RRP1B: variants seen among roughly 807,000 people sequenced by gnomAD.
RRP1B encodes the protein ribosomal RNA processing 1B.
Under a neutral mutation model 80.2 loss-of-function variants are expected in RRP1B, and 56 were observed. The observed-to-expected ratio is 0.70, with a 90% CI of 0.56 to 0.87. The LOEUF is 0.87. Among genes scored for constraint, RRP1B ranks in the 40% least tolerant of loss-of-function variants. The pLI, the probability that RRP1B is intolerant of heterozygous loss-of-function variation, is 0.00. For synonymous variants in RRP1B, 351 were observed against 357.6 expected, an observed-to-expected ratio of 0.98 and a Z score of 0.21; for missense variants, 807 against 939.8, an observed-to-expected ratio of 0.86 and a Z score of 1.85.
intron 3 of RRP1B, among the ~76,000 whole-genome samples, chr21:43,672,573 A>C (rs2083004115): frequency 6.6e-6 from 1 of 152,230 alleles, no homozygotes; most frequent in Admixed American, 6.5e-5. Flanking sequence ...AAATGCTTTT[A>C]GAAATAACAA....
intron 2 of RRP1B, 67 bp from the exon 3 acceptor site, chr21:43,672,241 C>T (rs1056974960): frequency 3.4e-5 from 48 of 1,414,812 alleles, no homozygotes; most frequent in East Asian, 9.1e-5. Context: ...GGAAGCAGGC[C>T]GCGGCACAGG....
At position 43,694,351 on chromosome 21, in the gene RRP1B, C is replaced by G. The variant is rs1244827906; in HGVS notation, c.*968C>G. The G allele has an allele frequency of 6.6e-6, 1 of 152,282 alleles. No individual in the cohort carries two copies. The highest frequency in any genetic ancestry group is 1.5e-5 in the Non-Finnish European group (1 of 68,052). The allele number at this position is 152,282 out of a possible 1,614,324, so 9.4% of individuals were successfully genotyped here. A position where few individuals can be genotyped will look rare whatever the true frequency, so the allele number is the denominator to read the frequency against. ...GGAAGCGTGCACTTACAGTTCAGAC[C>G]GTTCTCCTGTAAGTTCATTACAAAC... On this transcript the variant is annotated 3_prime_UTR_variant, in exon 16 of 16. Coordinates refer to ENST00000340648, the MANE Select transcript of RRP1B (RefSeq NM_015056.3).
chr21:43,682,705 G>A (rs1003827166), intron 8 of RRP1B, among the ~76,000 whole-genome samples: 1 of 152,224 alleles, frequency 6.6e-6, no homozygotes, highest in Non-Finnish European at 1.5e-5. Flanking sequence ...GGGACCACGT[G>A]TGGGGGAGGA....
At chr21:43,678,498 A>G (rs1391669094) in intron 8 of RRP1B, among the ~76,000 whole-genome samples, 1 of 152,136 alleles carries the variant, frequency 6.6e-6, no homozygotes, top group East Asian at 1.9e-4. Flanking sequence ...AATTATGGCC[A>G]TTCTTGCTGG....
At position 43,688,153 on chromosome 21, in the gene RRP1B, GAA is replaced by G; in HGVS notation, c.1783_1784del (p.Lys595GlufsTer51). The G allele has an allele frequency of 6.3e-7, 1 of 1,579,192 alleles. No individual in the cohort carries two copies. The highest frequency in any genetic ancestry group is 8.6e-7 in the Non-Finnish European group (1 of 1,161,838). On this transcript the variant is annotated frameshift_variant, in exon 13 of 16. Coordinates refer to ENST00000340648, the MANE Select transcript of RRP1B (RefSeq NM_015056.3). LOFTEE classifies it high-confidence loss of function. ...TGCCCAGCCAGAAAACAGCAAGTTT[GAA>G]AAAGAGGAAGAAAATGAGAGTGATG... ...GLPSQKTASL[K>X]KRKKMRVMSN... is the part of the protein sequence containing the mutation.
rs2083104376 is a variant in RRP1B at position 43,695,626 on chromosome 21, A to G, written c.*2243A>G. ...ACATAGACGCACAAGAATATGTCAC[A>G]TAAAGAAAATGTGTTTAGAATACTG... On this transcript the variant is annotated 3_prime_UTR_variant, in exon 16 of 16. Transcript: ENST00000340648. 1 of 152,248 alleles carries G rather than the reference A, an allele frequency of 6.6e-6. No individual in the cohort carries two copies. Among genetic ancestry groups the G allele is most frequent in the South Asian group, 2.1e-4 (1 of 4,832 alleles). The allele number at this position is 152,248 out of a possible 1,614,324, so 9.4% of individuals were successfully genotyped here. A position where few individuals can be genotyped will look rare whatever the true frequency, so the allele number is the denominator to read the frequency against.
At position 43,691,450 on chromosome 21, in the gene RRP1B, ACCAT is replaced by A; in HGVS notation, c.2035_2038del (p.Ser679AlafsTer9). ...TTTCTCTTCTGCAGCTAAACAAGAC[ACCAT>A]CCAGCTCCAAGAAAGTCACCTTTGG... On this transcript the variant is annotated frameshift_variant, in exon 15 of 16. Transcript: ENST00000340648. LOFTEE classifies it high-confidence loss of function. This position sits in a 1 kb window ranked among gnomAD's most constrained non-coding sequence, Gnocchi z 4.2. 6.2e-7 allele frequency: 1 copy of A among 1,613,900 alleles called. No homozygotes were observed. Among genetic ancestry groups the A allele is most frequent in the Non-Finnish European group, 8.5e-7 (1 of 1,179,914 alleles).
intron 12 of RRP1B, 59 bp from the exon 13 acceptor site, chr21:43,687,457 C>G (rs1434179918): frequency 2.8e-6 from 4 of 1,450,816 alleles, no homozygotes; most frequent in Non-Finnish European, 3.6e-6. Context: ...TGAGAATCGC[C>G]AGCAGGACTC....
chr21:43,692,283 T>G (rs1275007594), intron 15 of RRP1B, among the ~76,000 whole-genome samples: 1 of 152,110 alleles, frequency 6.6e-6, no homozygotes, highest in Non-Finnish European at 1.5e-5. Flanking sequence ...TCGAGTTGCT[T>G]TTACAAAGGA....
intron 1 of RRP1B, among the ~76,000 whole-genome samples, chr21:43,662,811 G>A (rs1461434615): frequency 2.6e-5 from 4 of 152,074 alleles, no homozygotes; most frequent in South Asian, 2.1e-4. Context: ...TATTATGTAC[G>A]CTATTCTTGG....
At chr21:43,690,943 T>C (rs1037824483) in intron 14 of RRP1B, among the ~76,000 whole-genome samples, 6 of 152,206 alleles carry the variant, frequency 3.9e-5, no homozygotes, top group Non-Finnish European at 8.8e-5. Flanking sequence ...GTGTGTCCAT[T>C]GTCCATTGCA....
At position 43,688,204 on chromosome 21, in the gene RRP1B, G is replaced by T; in HGVS notation, c.1830G>T (p.Gly610=). 6.4e-7 allele frequency: 1 copy of T among 1,572,756 alleles called. No homozygotes were observed. Among genetic ancestry groups the T allele is most frequent in the South Asian group, 1.2e-5 (1 of 86,090 alleles). The part of the protein sequence containing the change: ...RVMSNLVEHN[G]VLESEAGQPQ... Reference sequence around the variant, plus strand: ...TGTCAAACTTGGTGGAGCACAACGGGGTGCTGGAGTCCGAAGCTGGGCAAC... The same window carrying T: ...TGTCAAACTTGGTGGAGCACAACGGTGTGCTGGAGTCCGAAGCTGGGCAAC... The change falls in exon 13 of 16, where the codon GGG becomes GGT. Residue 610 remains glycine (G), a synonymous_variant. Transcript: ENST00000340648.
chr21:43,673,219 G>T (rs1000557435), intron 3 of RRP1B, among the ~76,000 whole-genome samples: 1 of 152,210 alleles, frequency 6.6e-6, no homozygotes, highest in African/African-American at 2.4e-5. Flanking sequence ...GTGGAACAAG[G>T]AGTCTTGATT....
In RRP1B at chr21:43,692,329, G is replaced by A. The variant is rs971199389; in HGVS notation, c.2083+827G>A. On this transcript the variant is annotated intron_variant, in intron 15 of 15. Coordinates refer to ENST00000340648, the MANE Select transcript of RRP1B (RefSeq NM_015056.3). ...TTAAAAAGTAGTATAGGCCAGGCGCGGTGGCTCATGCCTGTAATCCCAACA... is the reference window on the plus strand; with the variant it reads ...TTAAAAAGTAGTATAGGCCAGGCGCAGTGGCTCATGCCTGTAATCCCAACA... Among the ~76,000 whole-genome samples the A allele has an allele frequency of 9.2e-5, 14 of 152,232 alleles. No homozygotes were observed. The East Asian group carries it at 1.2e-3, about 13-fold the overall frequency.
chr21:43,665,715 G>A (rs1021680277), intron 1 of RRP1B, among the ~76,000 whole-genome samples: 2 of 152,010 alleles, frequency 1.3e-5, no homozygotes, highest in African/African-American at 4.8e-5. Flanking sequence ...GGATCTGACT[G>A]TTAAAGAGCC....
At chr21:43,682,597 T>C (rs2083047754) in intron 8 of RRP1B, among the ~76,000 whole-genome samples, 3 of 152,236 alleles carry the variant, frequency 2.0e-5, no homozygotes, top group Admixed American at 1.3e-4. Flanking sequence ...CCTGCGTCCA[T>C]GCTCCTACCC....
chr21:43,687,060 T>C, intron 12 of RRP1B, 125 bp downstream of exon 12: 2 of 1,117,330 alleles, frequency 1.8e-6, no homozygotes, highest in South Asian at 3.1e-5. Flanking sequence ...GCTTCAGTCT[T>C]TAATGGCTGA....
chr21:43,682,107 C>G lies in RRP1B; in HGVS notation c.797-1172C>G, dbSNP rs1340738214. Among the ~76,000 whole-genome samples the G allele has an allele frequency of 2.0e-5, 3 of 152,044 alleles. No homozygotes were observed. The East Asian group carries it at 5.8e-4, about 29-fold the overall frequency. ...CATAATGAGACCCCCATCTCTAAAA[C>G]AAAACGAAAAAAAGAAATAGTCTGA... is the stretch of plus-strand genomic sequence containing the variant. On this transcript the variant is annotated intron_variant, in intron 8 of 15. Transcript: ENST00000340648.
In RRP1B at chr21:43,670,026, G is replaced by C. The variant is rs766513444; in HGVS notation, c.213+60G>C. On this transcript the variant is annotated intron_variant, in intron 2 of 15. Transcript: ENST00000340648. The stretch of plus-strand genomic sequence containing the variant: ...CTTGCTGTGGATGGATAAGAGACTT[G>C]ATCACTCATGCTGTGCCAGTCCCCC... The C allele has an allele frequency of 6.4e-6, 8 of 1,256,438 alleles. No individual in the cohort carries two copies. The African/African-American group carries it at 1.0e-4, about 16-fold the overall frequency. The allele number at this position is 1,256,438 out of a possible 1,614,324, so 77.8% of individuals were successfully genotyped here. A position where few individuals can be genotyped will look rare whatever the true frequency, so the allele number is the denominator to read the frequency against.
Sources: gnomAD v4.1 joint callset for allele counts (sites outside exome capture counted in the v4.1 genomes callset) on GRCh38, gnomAD v4.1.1 for gene constraint, Gnocchi (gnomAD v3.1) non-coding constraint, MANE v1.5 for transcripts, NCBI Gene and HGNC (gene_info 2026-07-23, HGNC 2026-07-21) for gene names.